The following NOL4 variants were observed in gnomAD, a reference collection of about 807,000 sequenced individuals.
NOL4 encodes the protein nucleolar protein 4, also known as cancer/testis antigen 125.
A neutral mutation model predicts 75.9 loss-of-function variants in NOL4; 17 were observed. That is an observed-to-expected ratio of 0.22 (90% confidence interval 0.15 to 0.34). The LOEUF (loss-of-function observed/expected upper bound fraction) is 0.34. NOL4 is among the 10% of genes least tolerant of loss of function. The pLI is 1.00. For synonymous variants in NOL4, 292 were observed against 289.9 expected, an observed-to-expected ratio of 1.01 and a Z score of -0.07; for missense variants, 614 against 793.5, an observed-to-expected ratio of 0.77 and a Z score of 2.72.
chr18:34,114,935 G>T (rs969811628), intron 2 of NOL4, among the ~76,000 whole-genome samples: 2 of 152,034 alleles, frequency 1.3e-5, no homozygotes, highest in Admixed American at 1.3e-4. Context: ...TTCAGTGTTT[G>T]TTAAACTATC....
intron 6 of NOL4, among the ~76,000 whole-genome samples, chr18:33,971,721 A>G (rs2071079053): frequency 6.6e-6 from 1 of 152,096 alleles, no homozygotes; most frequent in Non-Finnish European, 1.5e-5. Flanking sequence ...CTGCCTGCAA[A>G]GGTTCCAAGC....
At chr18:34,072,209 A>G (rs2077552754) in intron 5 of NOL4, among the ~76,000 whole-genome samples, 1 of 152,186 alleles carries the variant, frequency 6.6e-6, no homozygotes, top group Non-Finnish European at 1.5e-5. Flanking sequence ...TAGGTGACAG[A>G]GCGAGACTCC....
chr18:34,011,940 A>G (rs879462250), intron 6 of NOL4, among the ~76,000 whole-genome samples: 2 of 151,960 alleles, frequency 1.3e-5, no homozygotes, highest in Non-Finnish European at 2.9e-5. Context: ...GAATGTGCAG[A>G]ATTAAAATCA....
At chr18:33,935,760 T>C (rs761813864) in intron 9 of NOL4, among the ~76,000 whole-genome samples, 14 of 152,140 alleles carry the variant, frequency 9.2e-5, no homozygotes, top group Non-Finnish European at 1.6e-4. Context: ...TTCAATAAAA[T>C]GAGGAATGCT....
At chr18:33,884,610 C>CTTT (rs879544887) in intron 9 of NOL4, among the ~76,000 whole-genome samples, 1 of 143,684 alleles carries the variant, frequency 7.0e-6, no homozygotes, top group Non-Finnish European at 1.5e-5. Context: ...CATTCTTCAT[C>CTTT]TTTTTTTTTT....
chr18:34,197,287 T>C (rs781303470), intron 1 of NOL4, among the ~76,000 whole-genome samples: 15 of 152,004 alleles, frequency 9.9e-5, no homozygotes, highest in Non-Finnish European at 2.2e-4. Flanking sequence ...TTTTAAAAAA[T>C]GGCATTTCAG....
intron 1 of NOL4, among the ~76,000 whole-genome samples, chr18:34,159,489 G>C (rs2031086239): frequency 6.6e-6 from 1 of 152,102 alleles, no homozygotes; most frequent in South Asian, 2.1e-4. Flanking sequence ...GGATGCCGCC[G>C]CCGCCTTCTC....
At chr18:33,979,759 G>A (rs2145966260) in intron 6 of NOL4, among the ~76,000 whole-genome samples, 1 of 152,082 alleles carries the variant, frequency 6.6e-6, no homozygotes, top group African/African-American at 2.4e-5. Flanking sequence ...ATTCTGGTTA[G>A]CTTTTGCCAA....
chr18:33,988,695 C>T (rs2072676184), intron 6 of NOL4, among the ~76,000 whole-genome samples: 1 of 151,800 alleles, frequency 6.6e-6, no homozygotes, highest in South Asian at 2.1e-4. Flanking sequence ...GTTTCCCGCC[C>T]CCACCCAAGA....
intron 1 of NOL4, among the ~76,000 whole-genome samples, chr18:34,140,072 A>C (rs1406530230): frequency 6.6e-6 from 1 of 152,096 alleles, no homozygotes; most frequent in African/African-American, 2.4e-5. Flanking sequence ...GTTCTTTTAC[A>C]TTTGCTGAGG....
intron 9 of NOL4, among the ~76,000 whole-genome samples, chr18:33,919,151 C>T (rs373531697): frequency 4.3e-4 from 66 of 152,218 alleles, no homozygotes; most frequent in African/African-American, 1.5e-3. Flanking sequence ...ACTTGTAAGA[C>T]CTAATGAGCG....
At position 33,883,356 on chromosome 18, in the gene NOL4, A is replaced by C. The variant is rs764200260; in HGVS notation, c.1611T>G (p.Ala537=). The C allele has an allele frequency of 2.5e-6, 4 of 1,613,354 alleles. No individual in the cohort carries two copies. Among genetic ancestry groups the C allele is most frequent in the Non-Finnish European group, 3.4e-6 (4 of 1,179,566 alleles). Residue 537 remains alanine (A), a synonymous_variant, in exon 10 of 11, where the codon GCT becomes GCG. Coordinates refer to ENST00000261592, the MANE Select transcript of NOL4 (RefSeq NM_003787.5). The part of the protein sequence containing the change: ...EATQATYSTS[A]VPGSQDVLYI... The stretch of plus-strand genomic sequence containing the variant: ...ACAGCACGTCCTGTGAGCCTGGAAC[A>C]GCTGATGTTGAGTAAGTGGCCTGGG...
chr18:33,887,432 T>A (rs79421280), intron 9 of NOL4, among the ~76,000 whole-genome samples: 12 of 151,344 alleles, frequency 7.9e-5, no homozygotes, highest in African/African-American at 2.2e-4. Flanking sequence ...TTTTTTTTTT[T>A]AATTATACTT....
At chr18:34,143,550 C>G (rs1262709485) in intron 1 of NOL4, among the ~76,000 whole-genome samples, 1 of 152,020 alleles carries the variant, frequency 6.6e-6, no homozygotes, top group East Asian at 1.9e-4. Flanking sequence ...ATTTCTCACT[C>G]TTATACAAAT....
intron 9 of NOL4, among the ~76,000 whole-genome samples, chr18:33,902,628 T>G (rs1599807862): frequency 6.6e-6 from 1 of 152,230 alleles, no homozygotes; most frequent in South Asian, 2.1e-4. Flanking sequence ...TGGGACACAC[T>G]TTTCCTGTGT....
At chr18:34,109,459 C>T (rs200620477) in intron 2 of NOL4, among the ~76,000 whole-genome samples, 65 of 152,144 alleles carry the variant, frequency 4.3e-4, no homozygotes, top group East Asian at 2.1e-3. Context: ...TTCAAGACTG[C>T]GGTGAGCTAT....
intron 9 of NOL4, among the ~76,000 whole-genome samples, chr18:33,928,698 T>TA (rs2067493290): frequency 6.6e-6 from 1 of 152,260 alleles, no homozygotes; most frequent in Admixed American, 6.5e-5. Context: ...AAGTTTTTTT[T>TA]AAAAAATGCA....
chr18:33,948,829 G>A (rs893106547), intron 8 of NOL4, among the ~76,000 whole-genome samples: 1 of 151,988 alleles, frequency 6.6e-6, no homozygotes, highest in Non-Finnish European at 1.5e-5. Flanking sequence ...TACTTGACAA[G>A]TTGGTACAAT....
Position 33,851,680 on chromosome 18 carries a change from C to T in NOL4, c.*1162G>A, listed in dbSNP as rs2062638754. Reference sequence around the variant, plus strand: ...GAAAACATCACTCATGTGTATCCCACACTATAAAATAAGAAAGAAGGGTAA... The same window carrying T: ...GAAAACATCACTCATGTGTATCCCATACTATAAAATAAGAAAGAAGGGTAA... On this transcript the variant is annotated 3_prime_UTR_variant, in exon 11 of 11. Coordinates refer to ENST00000261592, the MANE Select transcript of NOL4 (RefSeq NM_003787.5). 1 of 152,356 alleles carries T rather than the reference C, an allele frequency of 6.6e-6. No homozygotes were observed. The highest frequency in any genetic ancestry group is 1.5e-5 in the Non-Finnish European group (1 of 68,000). The allele number at this position is 152,356 out of a possible 1,614,324, so 9.4% of individuals were successfully genotyped here. A position where few individuals can be genotyped will look rare whatever the true frequency, so the allele number is the denominator to read the frequency against.
Sources: gnomAD v4.1 joint callset for allele counts (sites outside exome capture counted in the v4.1 genomes callset) on GRCh38, gnomAD v4.1.1 for gene constraint, MANE v1.5 for transcripts, NCBI Gene and HGNC (gene_info 2026-07-23, HGNC 2026-07-21) for gene names.